Variants in EVI5 observed in about 807,000 individuals in gnomAD.
EVI5 encodes the protein ecotropic viral integration site 5, also known as ecotropic viral integration site 5 protein homolog.
EVI5 carries 73 observed loss-of-function variants against 112.0 expected under a neutral mutation model. The observed-to-expected ratio is 0.65, with a 90% CI of 0.54 to 0.79. The LOEUF (loss-of-function observed/expected upper bound fraction) is 0.79. Among genes scored for constraint, EVI5 ranks in the 30% least tolerant of loss-of-function variants. The pLI is 0.00. For synonymous variants in EVI5, 305 were observed against 319.9 expected, an observed-to-expected ratio of 0.95 and a Z score of 0.50; for missense variants, 900 against 968.8, an observed-to-expected ratio of 0.93 and a Z score of 0.94.
chr1:92,545,872 A>G (rs556082453), intron 19 of EVI5, among the ~76,000 whole-genome samples: 1 of 151,882 alleles, frequency 6.6e-6, no homozygotes, highest in East Asian at 1.9e-4. Flanking sequence ...CTTGACTCCA[A>G]GCCTCTGCAT....
chr1:92,563,870 A>G, intron 18 of EVI5, 133 bp from the exon 19 acceptor site: 1 of 476,462 alleles, frequency 2.1e-6, no homozygotes. Flanking sequence ...ATCCATTCTC[A>G]AACTACCTCT....
intron 19 of EVI5, among the ~76,000 whole-genome samples, chr1:92,525,425 T>A (rs1661715703): frequency 6.6e-6 from 1 of 151,904 alleles, no homozygotes; most frequent in African/African-American, 2.4e-5. Flanking sequence ...TACGTCACCA[T>A]ACTTGGCTAA....
At chr1:92,694,129 G>GT (rs762684309) in intron 8 of EVI5, among the ~76,000 whole-genome samples, 170 bp downstream of exon 8, 1 of 151,996 alleles carries the variant, frequency 6.6e-6, no homozygotes, top group Non-Finnish European at 1.5e-5. Context: ...AGGTGTAGTG[G>GT]TGCATGCTTG....
intron 19 of EVI5, among the ~76,000 whole-genome samples, chr1:92,530,572 C>G (rs1662703936): frequency 6.6e-6 from 1 of 152,006 alleles, no homozygotes; most frequent in Non-Finnish European, 1.5e-5. Flanking sequence ...CCCTCTGGGA[C>G]AAAGCTTTCA....
At chr1:92,711,180 T>C (rs1272185908) in intron 2 of EVI5, among the ~76,000 whole-genome samples, 1 of 152,152 alleles carries the variant, frequency 6.6e-6, no homozygotes, top group Non-Finnish European at 1.5e-5. Flanking sequence ...CTCTTTTGAG[T>C]ATTTGGAGTT....
intron 15 of EVI5, 92 bp from the exon 16 acceptor site, chr1:92,624,426 T>C: frequency 1.1e-6 from 1 of 946,662 alleles, no homozygotes; most frequent in Non-Finnish European, 1.6e-6. Flanking sequence ...CTGTGATATA[T>C]AAAACACTTT....
chr1:92,547,134 T>C (rs1163193666), intron 19 of EVI5, among the ~76,000 whole-genome samples: 1 of 152,146 alleles, frequency 6.6e-6, no homozygotes, highest in Non-Finnish European at 1.5e-5. Context: ...AGAATAGAAA[T>C]TATAACAAAC....
intron 19 of EVI5, among the ~76,000 whole-genome samples, chr1:92,538,812 T>C (rs1261995102): frequency 1.3e-5 from 2 of 152,092 alleles, no homozygotes; most frequent in African/African-American, 4.8e-5. Context: ...ACAGGTGGCA[T>C]GGGGAAAAGC....
At chr1:92,729,074 C>G (rs955133835) in intron 2 of EVI5, among the ~76,000 whole-genome samples, 2 of 152,150 alleles carry the variant, frequency 1.3e-5, no homozygotes, top group African/African-American at 4.8e-5. Flanking sequence ...GGTGAAAGTT[C>G]TCTACTTAAT....
At chr1:92,602,343 T>C (rs1490105605) in intron 18 of EVI5, among the ~76,000 whole-genome samples, 1 of 152,188 alleles carries the variant, frequency 6.6e-6, no homozygotes, top group African/African-American at 2.4e-5. Context: ...ACTACTTTTA[T>C]CATATTATAC....
intron 5 of EVI5, chr1:92,700,801 A>G (rs1472801923): frequency 6.6e-6 from 1 of 152,212 alleles, no homozygotes; most frequent in Non-Finnish European, 1.5e-5. Context: ...CACTAGACTG[A>G]TAATAAGGAT....
intron 19 of EVI5, among the ~76,000 whole-genome samples, chr1:92,519,887 C>T (rs1292317459): frequency 7.1e-6 from 1 of 140,094 alleles, no homozygotes; most frequent in African/African-American, 2.7e-5. Context: ...CAGAGTAAGA[C>T]TCTGTCTTTA....
intron 18 of EVI5, among the ~76,000 whole-genome samples, chr1:92,587,765 T>C (rs1461682953): frequency 6.6e-6 from 1 of 151,892 alleles, no homozygotes; most frequent in Non-Finnish European, 1.5e-5. Context: ...AAACCAAAAG[T>C]TGGATTTGAG....
chr1:92,644,303 A>G (rs1411238935), intron 13 of EVI5, among the ~76,000 whole-genome samples: 3 of 152,212 alleles, frequency 2.0e-5, no homozygotes, highest in East Asian at 1.9e-4. Context: ...AAGAAATACA[A>G]TGACACCACG....
chr1:92,633,022 C>T (rs1187184132), intron 14 of EVI5, among the ~76,000 whole-genome samples: 1 of 152,204 alleles, frequency 6.6e-6, no homozygotes, highest in East Asian at 1.9e-4. Flanking sequence ...AGTTTGATTG[C>T]ACTGTGGTTT....
intron 9 of EVI5, among the ~76,000 whole-genome samples, chr1:92,685,769 C>T (rs1469468041): frequency 6.6e-6 from 1 of 152,106 alleles, no homozygotes; most frequent in African/African-American, 2.4e-5. Flanking sequence ...CTATAAATAC[C>T]TCTGTGCAAA....
At chr1:92,661,566 T>C (rs1449542459) in intron 13 of EVI5, among the ~76,000 whole-genome samples, 2 of 152,110 alleles carry the variant, frequency 1.3e-5, no homozygotes, top group Non-Finnish European at 2.9e-5. Context: ...TCCACAATTG[T>C]TTTTTTCTTT....
At position 92,615,507 on chromosome 1, in the gene EVI5, T is replaced by C. The variant is rs928018798; in HGVS notation, c.1828-7780A>G. Among the ~76,000 whole-genome samples, 7 of 152,266 alleles carry C rather than the reference T, an allele frequency of 4.6e-5. 1 individual carries two copies. The highest frequency in any genetic ancestry group is 2.1e-4 in the South Asian group (1 of 4,822). ...GACCCTAAAACTTGGAATGGGGACA[T>C]GTGGGAGGACCCTGATGAAGCTGGG... On this transcript the variant is annotated intron_variant, in intron 16 of 19. Transcript: ENST00000684568.
At chr1:92,679,761 T>C (rs1667308399) in intron 9 of EVI5, among the ~76,000 whole-genome samples, 2 of 152,238 alleles carry the variant, frequency 1.3e-5, no homozygotes, top group Non-Finnish European at 1.5e-5. Context: ...GTTATCATTA[T>C]GTGATCTTCA....
Sources: allele counts gnomAD v4.1 joint callset (sites outside exome capture counted in the v4.1 genomes callset), GRCh38; gene constraint gnomAD v4.1.1; transcripts MANE v1.5; gene names NCBI Gene and HGNC (gene_info 2026-07-23, HGNC 2026-07-21).